TFB1M: variants seen among roughly 807,000 people sequenced by gnomAD.
The protein encoded by TFB1M is transcription factor B1, mitochondrial.
TFB1M carries 27 observed loss-of-function variants against 31.1 expected under a neutral mutation model. The observed-to-expected ratio is 0.87, with a 90% CI of 0.64 to 1.20. The LOEUF is 1.20. Among genes scored for constraint, TFB1M ranks in the 50% most tolerant of loss-of-function variants. The pLI is 0.00. For missense variants in TFB1M, 394 were observed against 418.7 expected, an observed-to-expected ratio of 0.94 and a Z score of 0.51; for synonymous variants, 166 against 151.8, an observed-to-expected ratio of 1.09 and a Z score of -0.69.
At chr6:155,259,874 T>G (rs925533242) in intron 6 of TFB1M, among the ~76,000 whole-genome samples, 5 of 152,236 alleles carry the variant, frequency 3.3e-5, no homozygotes, top group Admixed American at 1.3e-4. Context: ...CGTGATATGA[T>G]TTTGGCTGCT....
intron 5 of TFB1M, among the ~76,000 whole-genome samples, chr6:155,274,752 C>G (rs1785089891): frequency 6.6e-6 from 1 of 152,220 alleles, no homozygotes; most frequent in Non-Finnish European, 1.5e-5. Flanking sequence ...GCTGTCCTTC[C>G]TCCTCAAATG....
At chr6:155,292,141 G>T (rs1236757687) in intron 4 of TFB1M, among the ~76,000 whole-genome samples, 1 of 152,134 alleles carries the variant, frequency 6.6e-6, no homozygotes, top group Non-Finnish European at 1.5e-5. Flanking sequence ...GAGGCAGGGG[G>T]CAGCTCAAAC....
intron 5 of TFB1M, among the ~76,000 whole-genome samples, chr6:155,272,516 C>T (rs1183236377): frequency 6.6e-6 from 1 of 151,752 alleles, no homozygotes; most frequent in African/African-American, 2.4e-5. Flanking sequence ...CACAGTATTT[C>T]TCTACCACCA....
intron 1 of TFB1M, chr6:155,314,031 T>G: frequency 1.6e-6 from 2 of 1,269,708 alleles, no homozygotes; most frequent in Non-Finnish European, 2.1e-6. Context: ...CATGAACCCT[T>G]CCTCCCCTAG....
At chr6:155,301,514 C>A (rs115533538) in intron 2 of TFB1M, among the ~76,000 whole-genome samples, 1,800 of 152,274 alleles carry the variant, frequency 0.012, 28 homozygotes, top group African/African-American at 0.041. Context: ...AACAATGGAG[C>A]ATTACACTTC....
Position 155,311,254 on chromosome 6 carries a change from A to G in TFB1M, c.219T>C (p.Ile73=). The part of the protein sequence containing the change: ...GPGPGGITRS[I]LNADVAELLV... ...GAAGTTCAGCGACGTCGGCATTAAG[A>G]ATAGATCTTGTGATTCCCCCTGGCC... Residue 73 remains isoleucine, a synonymous_variant, in exon 2 of 7, where the codon ATT becomes ATC. Coordinates refer to ENST00000367166, the MANE Select transcript of TFB1M (RefSeq NM_016020.4). 2.5e-6 allele frequency: 4 copies of G among 1,614,154 alleles called. No individual in the cohort carries two copies. Among genetic ancestry groups the G allele is most frequent in the Non-Finnish European group, 3.4e-6 (4 of 1,179,966 alleles).
At chr6:155,265,244 C>A (rs961731526) in intron 5 of TFB1M, among the ~76,000 whole-genome samples, 1 of 152,214 alleles carries the variant, frequency 6.6e-6, no homozygotes. Flanking sequence ...TGGACCCCAG[C>A]GCTGCAGGTC....
In TFB1M at chr6:155,260,236, A is replaced by G. The variant is rs763200657; in HGVS notation, c.794+37T>C. 29 of 1,612,408 alleles carry G rather than the reference A, an allele frequency of 1.8e-5. No individual in the cohort carries two copies. The Admixed American group carries it at 4.3e-4, about 24-fold the overall frequency. Reference sequence around the variant, plus strand: ...CTTAAAAAGTGCCTGAGGATTTTATAAAGACTGCAACTGAAGAGAAGAAAA... The same window carrying G: ...CTTAAAAAGTGCCTGAGGATTTTATGAAGACTGCAACTGAAGAGAAGAAAA... On this transcript the variant is annotated intron_variant, in intron 6 of 6. Coordinates refer to ENST00000367166, the MANE Select transcript of TFB1M (RefSeq NM_016020.4).
rs969272889 is a variant in TFB1M at position 155,311,206 on chromosome 6, T to A, written c.267A>T (p.Arg89=). The change falls in exon 2 of 7, where the codon CGA becomes CGT. Residue 89 remains arginine (R), a synonymous_variant. Coordinates refer to ENST00000367166, the MANE Select transcript of TFB1M (RefSeq NM_016020.4). The stretch of plus-strand genomic sequence containing the variant: ...ATCTCACCTGTAATCCAGGAATAAA[T>A]CGAGTGTCCTTTTCAACCACCAGAA... ...AELLVVEKDT[R]FIPGLQMLSD... 18 of 1,614,048 alleles carry A rather than the reference T, an allele frequency of 1.1e-5. No individual in the cohort carries two copies. Among genetic ancestry groups the A allele is most frequent in the Non-Finnish European group, 1.5e-5 (18 of 1,179,950 alleles).
intron 5 of TFB1M, among the ~76,000 whole-genome samples, chr6:155,279,313 A>G (rs1052138196): frequency 1.3e-5 from 2 of 152,142 alleles, no homozygotes; most frequent in Admixed American, 6.5e-5. Flanking sequence ...AAATTAAGTC[A>G]GAAGAATTGG....
chr6:155,264,247 C>A (rs553691183), intron 5 of TFB1M: 2 of 152,162 alleles, frequency 1.3e-5, no homozygotes, highest in Non-Finnish European at 2.9e-5. Flanking sequence ...AATGACAGTC[C>A]ACTTTAGGAC....
chr6:155,310,946 T>A, intron 2 of TFB1M: 1 of 525,006 alleles, frequency 1.9e-6, no homozygotes, highest in Non-Finnish European at 3.4e-6. Context: ...TTGTTTAGCA[T>A]AAATGCTTAA....
chr6:155,274,688 G>A lies in TFB1M; in HGVS notation c.666+10470C>T, dbSNP rs145463376. 7.4e-3 allele frequency among the ~76,000 whole-genome samples: 1,120 copies of A among 152,310 alleles called. 13 individuals carry two copies. Among genetic ancestry groups the A allele is most frequent in the African/African-American group, 0.026 (1,065 of 41,560 alleles). ...ACCTCAGTCAGGATTTTGCAAACAG[G>A]TATTAACTAGAACTTAGGGATAACC... is the stretch of plus-strand genomic sequence containing the variant. On this transcript the variant is annotated intron_variant, in intron 5 of 6. Coordinates refer to ENST00000367166, the MANE Select transcript of TFB1M (RefSeq NM_016020.4).
chr6:155,305,634 TATAA>T lies in TFB1M; in HGVS notation c.285+5550_285+5553del, dbSNP rs1224888350. Among the ~76,000 whole-genome samples the T allele has an allele frequency of 1.7e-4, 15 of 87,682 alleles. 1 individual carries two copies. Among genetic ancestry groups the T allele is most frequent in the African/African-American group, 5.9e-4 (12 of 20,182 alleles). The allele number at this position is 87,682 out of a possible 152,430, so 57.5% of individuals were successfully genotyped here. The stretch of plus-strand genomic sequence containing the variant: ...ATATATTAAATTATATATTTATATA[TATAA>T]ATATATATTAAATTATATATTTATA... On this transcript the variant is annotated intron_variant, in intron 2 of 6. Coordinates refer to ENST00000367166, the MANE Select transcript of TFB1M (RefSeq NM_016020.4).
chr6:155,250,600 C>T, the TFB1M span: 1 of 1,536,018 alleles, frequency 6.5e-7, no homozygotes, highest in Non-Finnish European at 8.7e-7. Flanking sequence ...TTACAAAAGG[C>T]ACTCTGGAAG....
chr6:155,253,838 A>C (rs1783830459), downstream of TFB1M: 7 of 641,656 alleles, frequency 1.1e-5, no homozygotes, highest in South Asian at 1.6e-4. Context: ...ACATAGAACA[A>C]GCCACAGAAG....
intron 5 of TFB1M, among the ~76,000 whole-genome samples, chr6:155,270,892 G>T (rs1476156729): frequency 6.6e-6 from 1 of 152,168 alleles, no homozygotes; most frequent in Non-Finnish European, 1.5e-5. Context: ...TTTATGCACT[G>T]AATTGTTTGT....
intron 2 of TFB1M, among the ~76,000 whole-genome samples, chr6:155,302,017 T>C (rs1323822711): frequency 2.0e-5 from 3 of 152,202 alleles, no homozygotes; most frequent in Non-Finnish European, 4.4e-5. Context: ...AAATCTCTTC[T>C]CTAACCAAAG....
intron 6 of TFB1M, among the ~76,000 whole-genome samples, chr6:155,259,786 G>C (rs2114662308): frequency 6.6e-6 from 1 of 152,326 alleles, no homozygotes; most frequent in African/African-American, 2.4e-5. Context: ...GGCCCTGTCA[G>C]GTTTTCCCAG....
Sources: allele counts gnomAD v4.1 joint callset (sites outside exome capture counted in the v4.1 genomes callset), GRCh38; gene constraint gnomAD v4.1.1; transcripts MANE v1.5; gene names NCBI Gene and HGNC (gene_info 2026-07-23, HGNC 2026-07-21).